CTNNA2: variants seen among roughly 807,000 people sequenced by gnomAD.
CTNNA2 encodes the protein catenin alpha 2.
In CTNNA2, 42 loss-of-function variants were observed where a neutral mutation model predicts 101.0. The ratio of observed to expected loss-of-function variants is 0.42; its 90% CI spans 0.32 to 0.54. CTNNA2 has a LOEUF of 0.54. Ranked by LOEUF, CTNNA2 falls within the 20% of genes least tolerant of loss-of-function variation. The probability of loss-of-function intolerance (pLI) is 0.14; values close to 1 mark genes in which losing one functional copy is unlikely to be tolerated. For missense variants in CTNNA2, 871 were observed against 1,223.1 expected (o/e 0.71, Z 4.29); for synonymous variants, 450 against 456.4 (o/e 0.99, Z 0.18).
At chr2:79,979,812 C>T (rs1691129366) in intron 7 of CTNNA2, among the ~76,000 whole-genome samples, 1 of 152,072 alleles carries the variant, frequency 6.6e-6, no homozygotes, top group African/African-American at 2.4e-5. Flanking sequence ...ATTTAAATAT[C>T]AATTCCTAGC....
intron 9 of CTNNA2, among the ~76,000 whole-genome samples, chr2:80,504,244 C>T (rs1028562336): frequency 6.6e-6 from 1 of 152,150 alleles, no homozygotes; most frequent in Non-Finnish European, 1.5e-5. Flanking sequence ...TTCTTGCCAG[C>T]CGTTAGCCAG....
intron 7 of CTNNA2, among the ~76,000 whole-genome samples, chr2:80,341,993 G>A (rs1476295394): frequency 3.9e-5 from 6 of 152,202 alleles, no homozygotes; most frequent in African/African-American, 1.4e-4. Context: ...ATTGTGCTAA[G>A]TAAAGGAAGA....
chr2:79,657,852 T>A (rs898801760), intron 2 of CTNNA2, among the ~76,000 whole-genome samples: 4 of 151,778 alleles, frequency 2.6e-5, no homozygotes, highest in African/African-American at 9.7e-5. Flanking sequence ...AAAAGATATT[T>A]AATAGAATTT....
At chr2:80,336,786 T>TC (rs1671796575) in intron 7 of CTNNA2, among the ~76,000 whole-genome samples, 1 of 152,228 alleles carries the variant, frequency 6.6e-6, no homozygotes, top group Non-Finnish European at 1.5e-5. Context: ...AAAAGCAGGT[T>TC]CCGTAAGGTG....
intron 3 of CTNNA2, among the ~76,000 whole-genome samples, chr2:79,372,732 G>A (rs780730979): frequency 4.6e-5 from 7 of 152,094 alleles, no homozygotes; most frequent in Non-Finnish European, 8.8e-5. Context: ...ACCAGAGATC[G>A]ACAAGAACAG....
intron 1 of CTNNA2, among the ~76,000 whole-genome samples, chr2:79,622,829 G>C (rs1373692269): frequency 6.6e-6 from 1 of 152,118 alleles, no homozygotes; most frequent in East Asian, 1.9e-4. Context: ...TTTAATGGCC[G>C]AGTCTGTAGG....
At chr2:80,269,213 T>A (rs912154399) in intron 7 of CTNNA2, among the ~76,000 whole-genome samples, 26 of 152,196 alleles carry the variant, frequency 1.7e-4, no homozygotes, top group African/African-American at 6.3e-4. Context: ...GGCAGGGGTC[T>A]TGTGGGAGGT....
intron 3 of CTNNA2, among the ~76,000 whole-genome samples, chr2:79,771,655 T>G (rs1000358099): frequency 6.6e-6 from 1 of 152,142 alleles, no homozygotes; most frequent in African/African-American, 2.4e-5. Flanking sequence ...GAGAATCAAA[T>G]GCCACCACTG....
intron 1 of CTNNA2, among the ~76,000 whole-genome samples, chr2:79,566,657 AAATAC>A (rs1328311669): frequency 3.9e-5 from 6 of 152,178 alleles, no homozygotes; most frequent in Non-Finnish European, 8.8e-5. Context: ...GAGTGAAAGA[AAATAC>A]AATACTTTTT....
intron 2 of CTNNA2, among the ~76,000 whole-genome samples, chr2:79,728,094 G>A (rs1311730652): frequency 2.0e-5 from 3 of 152,148 alleles, no homozygotes; most frequent in East Asian, 3.9e-4. Flanking sequence ...TATATACCCA[G>A]TAATGGGATT....
intron 4 of CTNNA2, among the ~76,000 whole-genome samples, chr2:79,374,406 T>TA (rs1448395867): frequency 6.6e-6 from 1 of 152,202 alleles, no homozygotes; most frequent in Non-Finnish European, 1.5e-5. Flanking sequence ...TTATAAAATC[T>TA]AAGACTGATT....
chr2:79,306,065 C>T (rs1408304506), intron 2 of CTNNA2, among the ~76,000 whole-genome samples: 4 of 132,604 alleles, frequency 3.0e-5, no homozygotes, highest in Non-Finnish European at 4.8e-5. Flanking sequence ...AAAAAAAAGG[C>T]AATCTTGTCT....
At chr2:79,715,205 C>CAAAAAAAAA (rs140432724) in intron 2 of CTNNA2, among the ~76,000 whole-genome samples, 17 of 66,308 alleles carry the variant, frequency 2.6e-4, no homozygotes, top group South Asian at 1.2e-3. Flanking sequence ...AAAATTCCGT[C>CAAAAAAAAA]AAAAAAAAAA....
At chr2:80,146,920 T>C (rs993663342) in intron 7 of CTNNA2, among the ~76,000 whole-genome samples, 9 of 145,878 alleles carry the variant, frequency 6.2e-5, no homozygotes, top group Admixed American at 1.4e-4. Context: ...GCCCTGCTAA[T>C]TTTTGTATTT....
intron 7 of CTNNA2, among the ~76,000 whole-genome samples, chr2:80,334,118 T>C (rs1174892871): frequency 6.6e-6 from 1 of 152,250 alleles, no homozygotes; most frequent in South Asian, 2.1e-4. Flanking sequence ...TTTTGAAGAA[T>C]ATCTTTTGAA....
intron 9 of CTNNA2, among the ~76,000 whole-genome samples, chr2:80,458,915 C>T (rs1684198784): frequency 6.6e-6 from 1 of 151,946 alleles, no homozygotes; most frequent in Non-Finnish European, 1.5e-5. Flanking sequence ...AATTGTGGTC[C>T]CATAAAATTA....
chr2:80,508,269 T>C (rs1688426758), intron 9 of CTNNA2, among the ~76,000 whole-genome samples: 1 of 151,886 alleles, frequency 6.6e-6, no homozygotes, highest in Non-Finnish European at 1.5e-5. Context: ...AGGCCAGGAG[T>C]TCAACACCAG....
intron 2 of CTNNA2, among the ~76,000 whole-genome samples, chr2:79,683,177 C>G (rs774952430): frequency 1.3e-5 from 2 of 152,158 alleles, no homozygotes; most frequent in Non-Finnish European, 2.9e-5. Flanking sequence ...AATACTGGGC[C>G]CATCCCCTAC....
intron 17 of CTNNA2, among the ~76,000 whole-genome samples, chr2:80,610,876 G>T (rs1308395267): frequency 6.6e-6 from 1 of 151,564 alleles, no homozygotes; most frequent in Non-Finnish European, 1.5e-5. Flanking sequence ...GAGGAGAATG[G>T]ATACAAAAGC....
Sources: allele counts gnomAD v4.1 joint callset (sites outside exome capture counted in the v4.1 genomes callset), GRCh38; gene constraint gnomAD v4.1.1; transcripts MANE v1.5; gene names NCBI Gene and HGNC (gene_info 2026-07-23, HGNC 2026-07-21).